The following EFCAB7 variants were observed in gnomAD, a reference collection of about 807,000 sequenced individuals.
The protein encoded by EFCAB7 is EF-hand calcium binding domain 7.
Under a neutral mutation model 77.1 loss-of-function variants are expected in EFCAB7, and 66 were observed. The ratio of observed to expected loss-of-function variants is 0.86; its 90% CI spans 0.70 to 1.05. The LOEUF is 1.05. Ranked by LOEUF, EFCAB7 falls within the 50% of genes least tolerant of loss-of-function variation. The probability of loss-of-function intolerance (pLI) is 0.00; values close to 1 mark genes in which losing one functional copy is unlikely to be tolerated. For missense variants in EFCAB7, 638 were observed against 730.5 expected, an observed-to-expected ratio of 0.87 and a Z score of 1.46; for synonymous variants, 225 against 243.3, an observed-to-expected ratio of 0.92 and a Z score of 0.70.
intron 7 of EFCAB7, 123 bp downstream of exon 7, chr1:63,546,180 G>A (rs1646896342): frequency 6.5e-6 from 7 of 1,074,882 alleles, no homozygotes; most frequent in South Asian, 5.1e-5. Context: ...AGAATTTATG[G>A]TTACATTTCA....
At chr1:63,538,551 T>G (rs1399801647) in intron 6 of EFCAB7, among the ~76,000 whole-genome samples, 3 of 152,122 alleles carry the variant, frequency 2.0e-5, no homozygotes, top group Non-Finnish European at 4.4e-5. Context: ...CCTCCCGAGT[T>G]CGAGTGATTC....
At chr1:63,538,613 T>G (rs748461113) in intron 6 of EFCAB7, among the ~76,000 whole-genome samples, 6 of 152,014 alleles carry the variant, frequency 3.9e-5, no homozygotes, top group Non-Finnish European at 7.4e-5. Context: ...ACCACCACGC[T>G]GGCTAATTTT....
intron 6 of EFCAB7, among the ~76,000 whole-genome samples, chr1:63,538,563 C>T (rs1302445391): frequency 6.6e-6 from 1 of 152,024 alleles, no homozygotes; most frequent in African/African-American, 2.4e-5. Flanking sequence ...GAGTGATTCT[C>T]CTGCCTCAGC....
chr1:63,582,786 G>C, the EFCAB7 span, among the ~76,000 whole-genome samples: 6 of 152,080 alleles, frequency 3.9e-5, no homozygotes, highest in African/African-American at 1.2e-4. Flanking sequence ...TGTATTCTTG[G>C]TAAAGATGGG....
At chr1:63,551,330 C>T (rs975774207) in intron 7 of EFCAB7, among the ~76,000 whole-genome samples, 2 of 152,104 alleles carry the variant, frequency 1.3e-5, no homozygotes, top group African/African-American at 4.8e-5. Context: ...TGGTGGCTCA[C>T]GCCTGTAATC....
chr1:63,560,113 C>T (rs943160806), intron 10 of EFCAB7, among the ~76,000 whole-genome samples: 5 of 151,784 alleles, frequency 3.3e-5, no homozygotes, highest in African/African-American at 4.8e-5. Context: ...CCACCACGCC[C>T]GGCTAATTTT....
At chr1:63,550,801 A>G (rs1396872841) in intron 7 of EFCAB7, among the ~76,000 whole-genome samples, 2 of 152,110 alleles carry the variant, frequency 1.3e-5, no homozygotes, top group Admixed American at 1.3e-4. Flanking sequence ...AGGCAGAACC[A>G]TAGGATTTCC....
downstream of EFCAB7, among the ~76,000 whole-genome samples, chr1:63,576,181 T>C (rs1557693900): frequency 6.6e-6 from 1 of 152,168 alleles, no homozygotes; most frequent in Non-Finnish European, 1.5e-5. Context: ...GGAATCATTA[T>C]TGAAAGTCTG....
intron 11 of EFCAB7, among the ~76,000 whole-genome samples, chr1:63,562,912 T>C (rs1016175566): frequency 1.3e-5 from 2 of 152,192 alleles, no homozygotes; most frequent in Non-Finnish European, 2.9e-5. Context: ...ACATTTAGAC[T>C]TTGGTTTAAT....
At position 63,549,183 on chromosome 1, in the gene EFCAB7, G is replaced by A. The variant is rs868241347; in HGVS notation, c.947-2542G>A. 1.1e-4 allele frequency: 31 copies of A among 294,806 alleles called. No individual in the cohort carries two copies. The Middle Eastern group carries it at 2.1e-3, about 20-fold the overall frequency. 18.3% of individuals were successfully genotyped at this position (294,806 alleles called of 1,614,324 possible). ...TTCTGGAGAACAGCCTCACTTCTTTGATTGAATACTCACATAATGCTTTGG... is the reference window on the plus strand; with the variant it reads ...TTCTGGAGAACAGCCTCACTTCTTTAATTGAATACTCACATAATGCTTTGG... On this transcript the variant is annotated intron_variant, in intron 7 of 13. Coordinates refer to ENST00000371088, the MANE Select transcript of EFCAB7 (RefSeq NM_032437.4).
At chr1:63,561,453 T>G (rs1331065120) in intron 10 of EFCAB7, among the ~76,000 whole-genome samples, 1 of 152,192 alleles carries the variant, frequency 6.6e-6, no homozygotes, top group Non-Finnish European at 1.5e-5. Flanking sequence ...TTAGAATATA[T>G]TTGCACTATT....
chr1:63,533,366 T>C, intron 4 of EFCAB7, 88 bp from the exon 5 acceptor site: 3 of 944,796 alleles, frequency 3.2e-6, no homozygotes. Context: ...TATCAGTCTG[T>C]TCCTTGCCTA....
intron 10 of EFCAB7, 53 bp downstream of exon 10, chr1:63,557,300 T>A: frequency 6.7e-7 from 1 of 1,484,486 alleles, no homozygotes; most frequent in Non-Finnish European, 9.0e-7. Context: ...ATATAGCACC[T>A]TTTCATCTCT....
intron 8 of EFCAB7, among the ~76,000 whole-genome samples, chr1:63,553,885 G>C (rs1646996095): frequency 6.6e-6 from 1 of 152,168 alleles, no homozygotes; most frequent in African/African-American, 2.4e-5. Flanking sequence ...CTGCTGCCCA[G>C]GCTGGAGTGC....
intron 13 of EFCAB7, among the ~76,000 whole-genome samples, chr1:63,571,943 G>A (rs1295569292): frequency 2.0e-5 from 3 of 152,110 alleles, no homozygotes; most frequent in African/African-American, 7.2e-5. Flanking sequence ...TAGTTCTGGT[G>A]TTAGCAGAAC....
At chr1:63,566,205 A>G (rs763610731) in intron 11 of EFCAB7, among the ~76,000 whole-genome samples, 1 of 152,250 alleles carries the variant, frequency 6.6e-6, no homozygotes, top group Non-Finnish European at 1.5e-5. Flanking sequence ...AGGGACATGG[A>G]TGGAGCTGGA....
chr1:63,571,490 A>G (rs945966760), intron 13 of EFCAB7, among the ~76,000 whole-genome samples: 2 of 152,034 alleles, frequency 1.3e-5, no homozygotes, highest in African/African-American at 4.8e-5. Flanking sequence ...CCTAGCCAAC[A>G]TGGTGAAACC....
intron 6 of EFCAB7, among the ~76,000 whole-genome samples, chr1:63,535,514 A>C (rs927688253): frequency 6.6e-6 from 1 of 151,946 alleles, no homozygotes; most frequent in African/African-American, 2.4e-5. Flanking sequence ...AGTGATCTAG[A>C]GTTTTGGGTA....
chr1:63,571,008 C>A lies in EFCAB7; in HGVS notation c.1708-13C>A, dbSNP rs368705530. 8 of 1,567,250 alleles carry A rather than the reference C, an allele frequency of 5.1e-6. No homozygotes were observed. The African/African-American group carries it at 9.6e-5, about 19-fold the overall frequency. ...AGAAAGGAATAGCAGCTTATGAAAT[C>A]TTTTTTTAATAGTCAGATGAGAAAG... On this transcript the variant is annotated splice_polypyrimidine_tract_variant and intron_variant, in intron 12 of 13. Transcript: ENST00000371088.
Sources: gnomAD v4.1 joint callset for allele counts (sites outside exome capture counted in the v4.1 genomes callset) on GRCh38, gnomAD v4.1.1 for gene constraint, MANE v1.5 for transcripts, NCBI Gene and HGNC (gene_info 2026-07-23, HGNC 2026-07-21) for gene names.